Variants in PCCA observed in about 807,000 individuals in gnomAD.
The protein encoded by PCCA is propionyl-CoA carboxylase alpha chain, mitochondrial.
Under a neutral mutation model 101.3 loss-of-function variants are expected in PCCA, and 74 were observed. The ratio of observed to expected loss-of-function variants is 0.73; its 90% CI spans 0.61 to 0.89. PCCA has a LOEUF of 0.89. PCCA is among the 40% of genes least tolerant of loss of function. The pLI is 0.00. For synonymous variants in PCCA, 294 were observed against 313.6 expected (o/e 0.94, Z 0.66); for missense variants, 891 against 907.0 (o/e 0.98, Z 0.23).
At chr13:100,156,159 G>A (rs376854992) in intron 5 of PCCA, among the ~76,000 whole-genome samples, 2 of 152,080 alleles carry the variant, frequency 1.3e-5, no homozygotes, top group South Asian at 2.1e-4. Flanking sequence ...CCTCTGTCCC[G>A]CCAGGTTCAA....
intron 21 of PCCA, among the ~76,000 whole-genome samples, chr13:100,477,859 T>TA (rs1207222443): frequency 6.6e-6 from 1 of 152,192 alleles, no homozygotes; most frequent in Non-Finnish European, 1.5e-5. Flanking sequence ...AAGAAGCCTC[T>TA]ACCTTCCCTG....
chr13:100,109,378 C>A (rs2048102739), intron 2 of PCCA, among the ~76,000 whole-genome samples: 1 of 152,172 alleles, frequency 6.6e-6, no homozygotes, highest in African/African-American at 2.4e-5. Context: ...GACCATTCTG[C>A]TGCCTGAACA....
chr13:100,110,972 C>T (rs555662210), intron 2 of PCCA, among the ~76,000 whole-genome samples: 68 of 151,558 alleles, frequency 4.5e-4, no homozygotes, highest in African/African-American at 1.5e-3. Flanking sequence ...CTTGGGATTA[C>T]GGGCATGCAC....
chr13:100,126,290 T>A (rs1392029022), intron 4 of PCCA, among the ~76,000 whole-genome samples: 1 of 152,204 alleles, frequency 6.6e-6, no homozygotes, highest in Non-Finnish European at 1.5e-5. Context: ...GGTATCTTTT[T>A]TTTTTAACAG....
chr13:100,317,023 T>C (rs1174781822), intron 16 of PCCA, among the ~76,000 whole-genome samples: 1 of 152,130 alleles, frequency 6.6e-6, no homozygotes, highest in Non-Finnish European at 1.5e-5. Context: ...CCCGCCTGCC[T>C]CGGCCTCCCA....
chr13:100,146,188 G>A (rs2052535467), intron 4 of PCCA, among the ~76,000 whole-genome samples: 1 of 151,508 alleles, frequency 6.6e-6, no homozygotes, highest in African/African-American at 2.4e-5. Context: ...CGATCTGCCT[G>A]CCTCCACCTC....
chr13:100,164,828 T>G (rs1047280459), intron 6 of PCCA, among the ~76,000 whole-genome samples: 60 of 152,322 alleles, frequency 3.9e-4, no homozygotes, highest in Middle Eastern at 3.4e-3. Flanking sequence ...CTGTACATAT[T>G]AAACACTAAT....
At chr13:100,275,503 A>C (rs978187472) in intron 12 of PCCA, among the ~76,000 whole-genome samples, 3 of 152,106 alleles carry the variant, frequency 2.0e-5, no homozygotes, top group African/African-American at 7.2e-5. Flanking sequence ...TACCTGTTTG[A>C]AGACAGTTCA....
intron 21 of PCCA, among the ~76,000 whole-genome samples, chr13:100,499,106 T>G (rs3783177): frequency 0.17 from 26,092 of 152,182 alleles, 2,827 homozygotes; most frequent in Non-Finnish European, 0.23. Flanking sequence ...CACAAAACTA[T>G]GGGCGTGTGC....
chr13:100,268,860 C>A, intron 11 of PCCA, 77 bp downstream of exon 11: 1 of 1,007,496 alleles, frequency 9.9e-7, no homozygotes, highest in Non-Finnish European at 1.6e-6. Context: ...TCATCATTCA[C>A]TGACGCATGC....
chr13:100,417,426 A>C (rs1216457598), intron 19 of PCCA, among the ~76,000 whole-genome samples: 1 of 152,076 alleles, frequency 6.6e-6, no homozygotes, highest in East Asian at 1.9e-4. Context: ...CGGCACTTCC[A>C]TGTGTTTATT....
intron 7 of PCCA, among the ~76,000 whole-genome samples, chr13:100,210,350 G>A (rs561882474): frequency 7.2e-5 from 11 of 152,298 alleles, no homozygotes; most frequent in African/African-American, 1.9e-4. Context: ...TAATGAATCA[G>A]CAGTGACTCA....
In PCCA at chr13:100,341,973, A is replaced by ATATATATATATATATG. The variant is rs1257478273; in HGVS notation, c.1643+1723_1643+1724insATATATGTATATATAT. ...CCCTTCAAAGTATATATATATATAT[A>ATATATATATATATATG]TATATATATGTATTTATGTGTGTGT... On this transcript the variant is annotated intron_variant, in intron 18 of 23. Coordinates refer to ENST00000376285, the MANE Select transcript of PCCA (RefSeq NM_000282.4). Among the ~76,000 whole-genome samples the ATATATATATATATATG allele has an allele frequency of 2.4e-3, 295 of 121,852 alleles. 5 individuals are homozygous for ATATATATATATATATG. The highest frequency in any genetic ancestry group is 0.022 in the East Asian group (98 of 4,488). 79.9% of individuals were successfully genotyped at this position (121,852 alleles called of 152,430 possible).
chr13:100,175,024 A>G (rs1001765682), intron 6 of PCCA, among the ~76,000 whole-genome samples: 2 of 152,192 alleles, frequency 1.3e-5, no homozygotes, highest in African/African-American at 4.8e-5. Flanking sequence ...GTTGCAGATT[A>G]GATTATGATG....
intron 19 of PCCA, among the ~76,000 whole-genome samples, chr13:100,378,144 G>A (rs79527406): frequency 0.032 from 4,936 of 152,180 alleles, 252 homozygotes; most frequent in African/African-American, 0.11. Context: ...CAAATTCGGC[G>A]TTTGCTTGTC....
At chr13:100,192,217 C>T (rs78237935) in intron 6 of PCCA, among the ~76,000 whole-genome samples, 3,076 of 152,230 alleles carry the variant, frequency 0.02, 109 homozygotes, top group African/African-American at 0.07. Context: ...TGCTTTAGTT[C>T]AATTGCCATT....
chr13:100,184,014 A>G (rs1218287523), intron 6 of PCCA, among the ~76,000 whole-genome samples: 4 of 152,132 alleles, frequency 2.6e-5, no homozygotes, highest in African/African-American at 9.7e-5. Context: ...TGGGTAATTT[A>G]TAAGAAAAGA....
chr13:100,494,637 C>G (rs1455767925), intron 21 of PCCA, among the ~76,000 whole-genome samples: 2 of 151,202 alleles, frequency 1.3e-5, no homozygotes, highest in Non-Finnish European at 2.9e-5. Flanking sequence ...GAGCCGAGAT[C>G]GCGCTATTGC....
chr13:100,517,864 T>C (rs1297418214), intron 22 of PCCA, among the ~76,000 whole-genome samples: 3 of 152,188 alleles, frequency 2.0e-5, no homozygotes, highest in Non-Finnish European at 1.5e-5. Flanking sequence ...TTAGCGCAAC[T>C]TCTATAGTTA....
Sources: allele counts gnomAD v4.1 joint callset (sites outside exome capture counted in the v4.1 genomes callset), GRCh38; gene constraint gnomAD v4.1.1; transcripts MANE v1.5; gene names NCBI Gene and HGNC (gene_info 2026-07-23, HGNC 2026-07-21).